Variants in ATP6V1B2 observed in about 807,000 individuals in gnomAD.
ATP6V1B2 encodes V-type proton ATPase subunit B, brain isoform.
A neutral mutation model predicts 66.7 loss-of-function variants in ATP6V1B2; 23 were observed. That is an observed-to-expected ratio of 0.34 (90% CI 0.25 to 0.49). The LOEUF is 0.49. Ranked by LOEUF, ATP6V1B2 falls within the 20% of genes least tolerant of loss-of-function variation. The pLI, the probability that ATP6V1B2 is intolerant of heterozygous loss-of-function variation, is 0.99. For missense variants in ATP6V1B2, 478 were observed against 650.8 expected (o/e 0.73, Z 2.89); for synonymous variants, 278 against 236.7 (o/e 1.17, Z -1.60).
At chr8:20,219,337 C>G (rs1328839074) in intron 13 of ATP6V1B2, among the ~76,000 whole-genome samples, 1 of 152,080 alleles carries the variant, frequency 6.6e-6, no homozygotes, top group Non-Finnish European at 1.5e-5. Context: ...CTTCTTGACT[C>G]TTTGTGTGCC....
In ATP6V1B2 at chr8:20,201,150, G is replaced by A. The variant is rs901395736; in HGVS notation, c.137-3334G>A. 1.1e-4 allele frequency among the ~76,000 whole-genome samples: 17 copies of A among 152,188 alleles called. 1 individual carries two copies. Among genetic ancestry groups the A allele is most frequent in the Admixed American group, 9.2e-4 (14 of 15,286 alleles). Reference sequence around the variant, plus strand: ...GAATCAAAGCCAAGACATTTTGGTTGTAAAATATGTTAAGAAGGTAATATA... The same window carrying A: ...GAATCAAAGCCAAGACATTTTGGTTATAAAATATGTTAAGAAGGTAATATA... On this transcript the variant is annotated intron_variant, in intron 1 of 13. Coordinates refer to ENST00000276390, the MANE Select transcript of ATP6V1B2 (RefSeq NM_001693.4).
rs1348854799 is a variant in ATP6V1B2 at position 20,212,152 on chromosome 8, C to A, written c.756C>A (p.Gly252=). 6.2e-7 allele frequency: 1 copy of A among 1,613,542 alleles called. No individual in the cohort carries two copies. The highest frequency in any genetic ancestry group is 1.1e-5 in the South Asian group (1 of 91,078). Residue 252 remains glycine (G), a synonymous_variant, in exon 8 of 14, where the codon GGC becomes GGA. Coordinates refer to ENST00000276390, the MANE Select transcript of ATP6V1B2 (RefSeq NM_001693.4). Reference sequence around the variant, plus strand: ...TCAAATCTGACTTTGAAGAAAATGGCTCAATGGACAATGTCTGCCTCTTTT... The same window carrying A: ...TCAAATCTGACTTTGAAGAAAATGGATCAATGGACAATGTCTGCCTCTTTT... ...RFFKSDFEEN[G]SMDNVCLFLN...
chr8:20,217,314 C>G lies in ATP6V1B2; in HGVS notation c.1256C>G (p.Ser419Cys). The change falls in exon 12 of 14, where the codon TCT becomes TGT. Residue 419 changes from serine (S) to cysteine (C), a missense_variant. Coordinates refer to ENST00000276390, the MANE Select transcript of ATP6V1B2 (RefSeq NM_001693.4). Reference sequence around the variant, plus strand: ...ACCAGGAAGGATCATGCCGATGTATCTAACCAGCTAGTATGTACATTCTTC... The same window carrying G: ...ACCAGGAAGGATCATGCCGATGTATGTAACCAGCTAGTATGTACATTCTTC... ...GMTRKDHADVSNQLYACYAIG... is the reference protein window; with the variant it reads ...GMTRKDHADVCNQLYACYAIG... 1 of 1,608,018 alleles carries G rather than the reference C, an allele frequency of 6.2e-7. No individual in the cohort carries two copies. The highest frequency in any genetic ancestry group is 8.5e-7 in the Non-Finnish European group (1 of 1,174,648).
chr8:20,205,628 T>C (rs2072730949), intron 2 of ATP6V1B2, among the ~76,000 whole-genome samples: 1 of 152,220 alleles, frequency 6.6e-6, no homozygotes, highest in East Asian at 1.9e-4. Flanking sequence ...ATGAGATTGA[T>C]AGTGATTTGA....
intron 12 of ATP6V1B2, 104 bp downstream of exon 12, chr8:20,217,428 A>C: frequency 9.6e-7 from 1 of 1,039,370 alleles, no homozygotes; most frequent in Non-Finnish European, 1.5e-6. Flanking sequence ...CCCCATCCAC[A>C]TGGAATTTTA....
rs1351398721 is a variant in ATP6V1B2 at position 20,204,405 on chromosome 8, G to A, written c.137-79G>A. On this transcript the variant is annotated intron_variant, in intron 1 of 13. Transcript: ENST00000276390. ...CTAATAGACATGATAACGTAGAAAG[G>A]ATTTTTGGTAATGCCAGAGAGCTAA... 7.7e-6 allele frequency: 10 copies of A among 1,294,100 alleles called. No individual in the cohort carries two copies. In the Admixed American group the frequency reaches 1.5e-4, roughly 19 times the overall value. The allele number at this position is 1,294,100 out of a possible 1,614,324, so 80.2% of individuals were successfully genotyped here.
chr8:20,204,652 TGTCA>T (rs1292863912), intron 2 of ATP6V1B2, 113 bp downstream of exon 2: 3 of 852,232 alleles, frequency 3.5e-6, no homozygotes, highest in Non-Finnish European at 5.4e-6. Context: ...TTAGACTGGG[TGTCA>T]GTCAGTCTAA....
At chr8:20,217,065 T>A (rs1437679423) in intron 11 of ATP6V1B2, 155 bp from the exon 12 acceptor site, 1 of 632,900 alleles carries the variant, frequency 1.6e-6, no homozygotes, top group African/African-American at 1.8e-5. Context: ...TACCTTTTCT[T>A]GCCAGGAAGA....
intron 1 of ATP6V1B2, among the ~76,000 whole-genome samples, chr8:20,200,513 C>T (rs904748433): frequency 2.0e-5 from 3 of 152,170 alleles, no homozygotes; most frequent in Admixed American, 1.3e-4. Flanking sequence ...TAAAAAATAG[C>T]TTCAAGATTA....
At chr8:20,218,070 C>A in intron 12 of ATP6V1B2, 83 bp from the exon 13 acceptor site, 1 of 1,520,146 alleles carries the variant, frequency 6.6e-7, no homozygotes, top group South Asian at 1.3e-5. Flanking sequence ...GTGAGGAGAA[C>A]TAGAGCAGTA....
chr8:20,204,190 G>A (rs1178902391), intron 1 of ATP6V1B2: 1 of 410,768 alleles, frequency 2.4e-6, no homozygotes, highest in Non-Finnish European at 4.6e-6. Context: ...GCATAAGACT[G>A]AACTTTTGAG....
At chr8:20,217,122 T>C in intron 11 of ATP6V1B2, 98 bp from the exon 12 acceptor site, 1 of 1,018,138 alleles carries the variant, frequency 9.8e-7, no homozygotes, top group Non-Finnish European at 1.5e-6. Context: ...TGTCTTTGAT[T>C]TAAGTTGTAA....
chr8:20,199,052 A>C (rs1344715704), intron 1 of ATP6V1B2, among the ~76,000 whole-genome samples: 1 of 152,230 alleles, frequency 6.6e-6, no homozygotes, highest in Non-Finnish European at 1.5e-5. Context: ...TGCAGTAGTC[A>C]GTTTCCATAT....
intron 10 of ATP6V1B2, chr8:20,215,965 T>C (rs929987852): frequency 6.5e-6 from 1 of 153,338 alleles, no homozygotes; most frequent in African/African-American, 2.4e-5. Flanking sequence ...AAGGGAACTT[T>C]GGGTTTAAAA....
chr8:20,216,609 G>A (rs2072856949), intron 11 of ATP6V1B2, 114 bp downstream of exon 11: 8 of 896,664 alleles, frequency 8.9e-6, no homozygotes, highest in Admixed American at 5.6e-5. Context: ...AACTTGAATT[G>A]TTTTTAATAT....
At chr8:20,202,541 C>G (rs143763534) in intron 1 of ATP6V1B2, among the ~76,000 whole-genome samples, 264 of 152,272 alleles carry the variant, frequency 1.7e-3, no homozygotes, top group African/African-American at 6.1e-3. Context: ...GAAGTAGAAT[C>G]TTGTCTTCTG....
At chr8:20,207,686 A>G (rs1022178303) in intron 2 of ATP6V1B2, among the ~76,000 whole-genome samples, 1 of 152,050 alleles carries the variant, frequency 6.6e-6, no homozygotes, top group Non-Finnish European at 1.5e-5. Flanking sequence ...ATTATGTAAA[A>G]AGTGTTGTGC....
intron 10 of ATP6V1B2, 176 bp from the exon 11 acceptor site, chr8:20,216,237 C>T (rs1444936743): frequency 1.8e-6 from 1 of 542,422 alleles, no homozygotes; most frequent in South Asian, 2.6e-5. Context: ...CCGTACTGCA[C>T]AGCACAGACA....
intron 2 of ATP6V1B2, among the ~76,000 whole-genome samples, chr8:20,207,884 G>T (rs1204842463): frequency 6.6e-6 from 1 of 152,082 alleles, no homozygotes. Context: ...GTAAGAAAAG[G>T]ATATTAATAA....
Sources: allele counts gnomAD v4.1 joint callset (sites outside exome capture counted in the v4.1 genomes callset), GRCh38; gene constraint gnomAD v4.1.1; transcripts MANE v1.5; gene names NCBI Gene and HGNC (gene_info 2026-07-23, HGNC 2026-07-21).